The following RIMBP2 variants were observed in gnomAD, a reference collection of about 807,000 sequenced individuals.
The protein encoded by RIMBP2 is RIMS-binding protein 2.
A neutral mutation model predicts 118.6 loss-of-function variants in RIMBP2; 48 were observed. The ratio of observed to expected loss-of-function variants is 0.40; its 90% CI spans 0.32 to 0.51. The LOEUF is 0.51. RIMBP2 is among the 20% of genes least tolerant of loss of function. The pLI is 0.41. For missense variants in RIMBP2, 1,551 were observed against 1,768.3 expected (o/e 0.88, Z 2.20); for synonymous variants, 762 against 742.9 (o/e 1.03, Z -0.42).
intron 2 of RIMBP2, among the ~76,000 whole-genome samples, chr12:130,524,015 C>T (rs2052473234): frequency 6.6e-6 from 1 of 152,136 alleles, no homozygotes; most frequent in South Asian, 2.1e-4. Flanking sequence ...ATCTCCTGGC[C>T]ACACTGGACA....
chr12:130,422,178 A>G lies in RIMBP2; in HGVS notation c.3238+275T>C, dbSNP rs915672783. On this transcript the variant is annotated intron_variant, in intron 17 of 22. Transcript: ENST00000690449. This position sits in a 1 kb window ranked among gnomAD's most constrained non-coding sequence, Gnocchi z 5.2. ...CATGCCAGGATGAGGGAGGTGACAC[A>G]AAGTGGTCCCCCCTTCAGTGCTTAC... Among the ~76,000 whole-genome samples the G allele has an allele frequency of 1.3e-5, 2 of 152,188 alleles. No homozygotes were observed. Among genetic ancestry groups the G allele is most frequent in the Admixed American group, 6.5e-5 (1 of 15,270 alleles).
In RIMBP2 at chr12:130,581,880, T is replaced by C. The variant is rs2058502915; in HGVS notation, c.-217+46442A>G. ...CATATCACCTTTTAATGACTTCCCA[T>C]CTCAGAGTTAAACCAAAGGCCCGAA... On this transcript the variant is annotated intron_variant, in intron 2 of 22. Coordinates refer to ENST00000690449, the MANE Select transcript of RIMBP2 (RefSeq NM_001393629.1). The surrounding 1 kb of genome is among the most constrained non-coding windows in gnomAD (Gnocchi z 4.4). 6.6e-6 allele frequency among the ~76,000 whole-genome samples: 1 copy of C among 152,140 alleles called. No homozygotes were observed. Among genetic ancestry groups the C allele is most frequent in the South Asian group, 2.1e-4 (1 of 4,822 alleles).
chr12:130,488,883 G>A (rs2082696393), intron 4 of RIMBP2, among the ~76,000 whole-genome samples: 1 of 152,176 alleles, frequency 6.6e-6, no homozygotes. Context: ...CTTCTAATCT[G>A]CAGAAATATA....
At chr12:130,439,455 G>C (rs915904879) in intron 11 of RIMBP2, among the ~76,000 whole-genome samples, 10 of 148,888 alleles carry the variant, frequency 6.7e-5, no homozygotes, top group Non-Finnish European at 1.2e-4. Context: ...GTGTGGGTGT[G>C]TGGGTGTGTA....
At chr12:130,451,561 A>G (rs892576191) in intron 7 of RIMBP2, among the ~76,000 whole-genome samples, 3 of 152,252 alleles carry the variant, frequency 2.0e-5, no homozygotes, top group African/African-American at 7.2e-5. Context: ...CCCTGGCGGT[A>G]ACGCTGTTTG....
At chr12:130,613,358 C>G (rs1201330397) in intron 2 of RIMBP2, among the ~76,000 whole-genome samples, 1 of 152,160 alleles carries the variant, frequency 6.6e-6, no homozygotes, top group Non-Finnish European at 1.5e-5. Context: ...GCGACCTCAT[C>G]GGCCAAGCCA....
Position 130,436,960 on chromosome 12 carries a change from C to T in RIMBP2, c.1988G>A (p.Gly663Glu), listed in dbSNP as rs2077565821. Residue 663 changes from glycine (G) to glutamate (E), a missense_variant, in exon 13 of 23, where the codon GGA becomes GAA. By Grantham distance (98) the Gly-to-Glu change is moderately conservative. Around this residue, in one of 5 missense-constraint regions of RIMBP2, gnomAD observed 1,038 missense variants for 1,125.1 expected, o/e 0.92. Transcript: ENST00000690449. ...GCGGCTGGGTGAGGGCGACCGCCTTCCGGGGCCCACGGGCGGCTCCAGCAT... is the reference window on the plus strand; with the variant it reads ...GCGGCTGGGTGAGGGCGACCGCCTTTCGGGGCCCACGGGCGGCTCCAGCAT... ...GHMLEPPVGP[G>E]RRSPSPSRIL... The T allele has an allele frequency of 1.2e-6, 2 of 1,606,826 alleles. No individual in the cohort carries two copies.
chr12:130,524,320 G>A (rs573905485), intron 2 of RIMBP2, among the ~76,000 whole-genome samples: 1 of 149,692 alleles, frequency 6.7e-6, no homozygotes, highest in Non-Finnish European at 1.5e-5. Context: ...GCATGAGCCA[G>A]GCCAGATTCC....
rs1282357967 is a variant in RIMBP2 at position 130,553,384 on chromosome 12, TA to T, written c.-216-35468del. 1.1e-4 allele frequency among the ~76,000 whole-genome samples: 17 copies of T among 152,324 alleles called. No individual in the cohort carries two copies. The East Asian group carries it at 3.3e-3, about 29-fold the overall frequency. ...TTCTCTTTAACATTTACAATAACTC[TA>T]TAATGTGAGCATAATTATTATCATC... On this transcript the variant is annotated intron_variant, in intron 2 of 22. Transcript: ENST00000690449.
chr12:130,563,611 C>T (rs923930605), intron 2 of RIMBP2, among the ~76,000 whole-genome samples: 2 of 152,290 alleles, frequency 1.3e-5, no homozygotes, highest in South Asian at 4.1e-4. Context: ...AACAAATATG[C>T]CCTACTGCAG....
Position 130,419,064 on chromosome 12 carries a change from C to T in RIMBP2, c.3238+3389G>A, listed in dbSNP as rs186933342. Among the ~76,000 whole-genome samples the T allele has an allele frequency of 3.9e-5, 6 of 152,290 alleles. No individual in the cohort carries two copies. In the East Asian group the frequency reaches 1.2e-3, roughly 29 times the overall value. The stretch of plus-strand genomic sequence containing the variant: ...GCGGTGACTCCACCGTATGTTCTTC[C>T]AGAGAGGATGCACTGGATGTGTTAT... On this transcript the variant is annotated intron_variant, in intron 17 of 22. Transcript: ENST00000690449. This position sits in a 1 kb window ranked among gnomAD's most constrained non-coding sequence, Gnocchi z 4.3.
At chr12:130,548,131 A>G (rs1225215644) in intron 2 of RIMBP2, among the ~76,000 whole-genome samples, 1 of 151,046 alleles carries the variant, frequency 6.6e-6, no homozygotes, top group Admixed American at 6.6e-5. Flanking sequence ...GTGACGGAAG[A>G]CAAGAAGCCC....
chr12:130,635,277 G>A (rs971186897), intron 1 of RIMBP2, among the ~76,000 whole-genome samples: 7 of 152,276 alleles, frequency 4.6e-5, no homozygotes, highest in African/African-American at 1.4e-4. Context: ...CCATTAGACT[G>A]TCACTCCAGG....
rs897796351 is a variant in RIMBP2 at position 130,397,328 on chromosome 12, C to G, written c.*33G>C. On this transcript the variant is annotated 3_prime_UTR_variant, in exon 23 of 23. Coordinates refer to ENST00000690449, the MANE Select transcript of RIMBP2 (RefSeq NM_001393629.1). ...CCTAGTTTGGAATTAAAGAAAATTACATAGATTTGGCAGTTGTCCGGAAGC... is the reference window on the plus strand; with the variant it reads ...CCTAGTTTGGAATTAAAGAAAATTAGATAGATTTGGCAGTTGTCCGGAAGC... 1 of 398,678 alleles carries G rather than the reference C, an allele frequency of 2.5e-6. No homozygotes were observed. The highest frequency in any genetic ancestry group is 4.4e-6 in the Non-Finnish European group (1 of 225,978). The allele number at this position is 398,678 out of a possible 1,614,324, so 24.7% of individuals were successfully genotyped here. A position where few individuals can be genotyped will look rare whatever the true frequency, so the allele number is the denominator to read the frequency against.
At chr12:130,495,338 C>T (rs1162193178) in intron 4 of RIMBP2, among the ~76,000 whole-genome samples, 2 of 152,222 alleles carry the variant, frequency 1.3e-5, no homozygotes, top group African/African-American at 4.8e-5. Context: ...GCTCCCGCCT[C>T]AGTGCTGCCC....
At chr12:130,462,349 T>C (rs1156306469) in intron 6 of RIMBP2, among the ~76,000 whole-genome samples, 2 of 152,016 alleles carry the variant, frequency 1.3e-5, no homozygotes, top group East Asian at 3.9e-4. Context: ...CACCCAGGGG[T>C]GGCCAGTGCA....
At chr12:130,499,120 A>C (rs905264300) in intron 4 of RIMBP2, among the ~76,000 whole-genome samples, 1 of 152,232 alleles carries the variant, frequency 6.6e-6, no homozygotes, top group Non-Finnish European at 1.5e-5. Context: ...AAGAGCATGA[A>C]GCAGGAGGGG....
At chr12:130,541,873 G>A (rs1273462279) in intron 2 of RIMBP2, among the ~76,000 whole-genome samples, 1 of 152,208 alleles carries the variant, frequency 6.6e-6, no homozygotes, top group African/African-American at 2.4e-5. Context: ...CTCATGGGAT[G>A]CCTTTATGTA....
chr12:130,445,369 C>A (rs1310916388), intron 9 of RIMBP2, 100 bp from the exon 10 acceptor site: 41 of 739,282 alleles, frequency 5.5e-5, no homozygotes, highest in Non-Finnish European at 8.5e-5. Context: ...TTCTCTCCCA[C>A]TCCTAGGGAA....
Sources: gnomAD v4.1 joint callset for allele counts (sites outside exome capture counted in the v4.1 genomes callset) on GRCh38, gnomAD v4.1.1 for gene constraint, gnomAD v4.1.1 regional missense constraint, Gnocchi (gnomAD v3.1) non-coding constraint, MANE v1.5 for transcripts, NCBI Gene and HGNC (gene_info 2026-07-23, HGNC 2026-07-21) for gene names.